APOL5: variants seen among roughly 807,000 people sequenced by gnomAD.
The protein encoded by APOL5 is apolipoprotein L5.
A neutral mutation model predicts 35.5 loss-of-function variants in APOL5; 29 were observed. The ratio of observed to expected loss-of-function variants is 0.82; its 90% CI spans 0.61 to 1.11. APOL5 has a LOEUF of 1.11. Among genes scored for constraint, APOL5 ranks in the 50% most tolerant of loss-of-function variants. The pLI, the probability that APOL5 is intolerant of heterozygous loss-of-function variation, is 0.00. For missense variants in APOL5, 514 were observed against 530.4 expected (o/e 0.97, Z 0.30); for synonymous variants, 188 against 200.2 (o/e 0.94, Z 0.51).
At chr22:35,717,403 T>A (rs4821437), upstream of APOL5, among the ~76,000 whole-genome samples, 100,850 of 140,832 alleles carry the variant, frequency 0.72, 36,519 homozygotes, top group African/African-American at 0.83. Flanking sequence ...CATCTCCAAA[T>A]GAAAGAAAAA....
chr22:35,720,326 T>C (rs1419386483), intron 1 of APOL5, among the ~76,000 whole-genome samples: 1 of 152,248 alleles, frequency 6.6e-6, no homozygotes, highest in African/African-American at 2.4e-5. Context: ...ACTAGAAGCC[T>C]AAGCGATTTC....
chr22:35,720,488 A>T (rs33921037), intron 1 of APOL5, 80 bp from the exon 2 acceptor site: 2 of 1,253,446 alleles, frequency 1.6e-6, no homozygotes, highest in South Asian at 1.2e-5. Flanking sequence ...TTAGACAGCC[A>T]ACTTTCCCGG....
chr22:35,711,874 C>T, the APOL5 span, among the ~76,000 whole-genome samples: 1 of 152,032 alleles, frequency 6.6e-6, no homozygotes, highest in Admixed American at 6.6e-5. Context: ...GGGGTTTCGC[C>T]ATGTTGGCCA....
intron 2 of APOL5, among the ~76,000 whole-genome samples, chr22:35,725,656 C>T (rs749779383): frequency 4.6e-5 from 7 of 151,942 alleles, no homozygotes; most frequent in Admixed American, 6.6e-5. Flanking sequence ...ATGTCGAAGT[C>T]GCCCTCTTGC....
At position 35,726,939 on chromosome 22, in the gene APOL5, G is replaced by T; in HGVS notation, c.871G>T (p.Ala291Ser). 1 of 1,614,220 alleles carries T rather than the reference G, an allele frequency of 6.2e-7. No individual in the cohort carries two copies. Among genetic ancestry groups the T allele is most frequent in the Non-Finnish European group, 8.5e-7 (1 of 1,180,044 alleles). Reference sequence around the variant, plus strand: ...CACAACTCTGGCCATGACCAATGGTGCCTGGGTGATGGGTGCTGCTGGGGC... The same window carrying T: ...CACAACTCTGGCCATGACCAATGGTTCCTGGGTGATGGGTGCTGCTGGGGC... ...EGTTLAMTNG[A>S]WVMGAAGAGF... Residue 291 changes from alanine (A) to serine (S), a missense_variant, in exon 3 of 5, where the codon GCC (alanine) becomes TCC (serine). Physicochemically the swap from Ala to Ser is moderately conservative, Grantham distance 99. This residue lies in a region of APOL5 where 238 missense variants were observed against 229.1 expected (regional missense o/e 1.04). Coordinates refer to ENST00000249044, the MANE Select transcript of APOL5 (RefSeq NM_030642.1).
chr22:35,714,356 C>G (rs1167200973), upstream of APOL5, among the ~76,000 whole-genome samples: 1 of 152,122 alleles, frequency 6.6e-6, no homozygotes, highest in Non-Finnish European at 1.5e-5. Flanking sequence ...CCTCTGGGCC[C>G]TGCAACTCTT....
At chr22:35,716,431 C>G (rs1046773434), upstream of APOL5, among the ~76,000 whole-genome samples, 35 of 152,128 alleles carry the variant, frequency 2.3e-4, 1 homozygote, top group African/African-American at 7.7e-4. Flanking sequence ...CACCACCACG[C>G]CTGGCTAATT....
chr22:35,709,269 A>AAGAT, the APOL5 span, among the ~76,000 whole-genome samples: 1 of 152,218 alleles, frequency 6.6e-6, no homozygotes, highest in African/African-American at 2.4e-5. Context: ...AAGCAAAGCT[A>AAGAT]AGATAGTATT....
In APOL5 at chr22:35,727,094, G is replaced by A. The variant is rs1327925913; in HGVS notation, c.1026G>A (p.Arg342=). ...AGAAGCTGGAGCAGGAGCTGGACCG[G>A]CTCACCCAGCACCACCGGCACCTGC... The part of the protein sequence containing the change: ...LAKKLEQELD[R]LTQHHRHLPQ... The change falls in exon 3 of 5, where the codon CGG becomes CGA. Residue 342 remains arginine, a synonymous_variant. Transcript: ENST00000249044. 2 of 1,611,476 alleles carry A rather than the reference G, an allele frequency of 1.2e-6. No individual in the cohort carries two copies. Among genetic ancestry groups the A allele is most frequent in the Non-Finnish European group, 1.7e-6 (2 of 1,179,998 alleles).
At chr22:35,725,242 C>T (rs545498956) in intron 2 of APOL5, among the ~76,000 whole-genome samples, 150 of 152,116 alleles carry the variant, frequency 9.9e-4, no homozygotes, top group African/African-American at 3.5e-3. Context: ...TCCAAAAATT[C>T]GAGGACTGGG....
At chr22:35,723,618 C>T (rs894197368) in intron 2 of APOL5, among the ~76,000 whole-genome samples, 4 of 152,278 alleles carry the variant, frequency 2.6e-5, no homozygotes, top group East Asian at 1.9e-4. Flanking sequence ...TGTTAACAAG[C>T]GGCCAGAGTA....
intron 3 of APOL5, among the ~76,000 whole-genome samples, chr22:35,727,549 A>T (rs556763962): frequency 3.3e-5 from 5 of 152,228 alleles, no homozygotes; most frequent in African/African-American, 1.2e-4. Flanking sequence ...GGTTGCTGGG[A>T]CTGGAGATGA....
At chr22:35,720,067 G>A (rs1012806472) in intron 1 of APOL5, among the ~76,000 whole-genome samples, 2 of 152,276 alleles carry the variant, frequency 1.3e-5, no homozygotes, top group Non-Finnish European at 1.5e-5. Flanking sequence ...TGTTCCTCTC[G>A]ATGTCCAGCT....
In APOL5 at chr22:35,728,710, T is replaced by A; in HGVS notation, c.1127-13T>A. The A allele has an allele frequency of 6.2e-7, 1 of 1,609,598 alleles. No homozygotes were observed. The highest frequency in any genetic ancestry group is 8.5e-7 in the Non-Finnish European group (1 of 1,178,290). ...CTTGGAAGTTGTAAGACACAGGGAC[T>A]CATGTTCCACAGGGTCTCGCTCACC... On this transcript the variant is annotated splice_polypyrimidine_tract_variant and intron_variant, in intron 3 of 4. Coordinates refer to ENST00000249044, the MANE Select transcript of APOL5 (RefSeq NM_030642.1).
upstream of APOL5, chr22:35,717,779 A>AG: frequency 1.6e-6 from 1 of 644,442 alleles, no homozygotes. Flanking sequence ...AAAAAAAAAT[A>AG]GGTGAGGACT....
upstream of APOL5, among the ~76,000 whole-genome samples, chr22:35,713,445 C>T (rs1379175220): frequency 6.6e-6 from 1 of 152,170 alleles, no homozygotes; most frequent in African/African-American, 2.4e-5. Context: ...TCAACCCCTC[C>T]ACCTACCATT....
intron 4 of APOL5, 79 bp downstream of exon 4, chr22:35,728,983 A>T: frequency 1.8e-5 from 24 of 1,349,102 alleles, no homozygotes; most frequent in Non-Finnish European, 2.3e-5. Context: ...GGTGGGCTTC[A>T]GGGAAAGAGA....
intron 1 of APOL5, 120 bp from the exon 2 acceptor site, chr22:35,720,447 CT>C (rs1555930798): frequency 1.1e-3 from 679 of 612,526 alleles, no homozygotes; most frequent in Admixed American, 1.4e-3. Flanking sequence ...TTGTTGTATT[CT>C]TTTTTTTTTC....
At chr22:35,708,604 C>T in the APOL5 span, among the ~76,000 whole-genome samples, 1 of 152,062 alleles carries the variant, frequency 6.6e-6, no homozygotes, top group African/African-American at 2.4e-5. Flanking sequence ...ACAAACATCG[C>T]TTGGATTAAA....
Sources: allele counts gnomAD v4.1 joint callset (sites outside exome capture counted in the v4.1 genomes callset), GRCh38; gene constraint gnomAD v4.1.1; regional missense constraint gnomAD v4.1.1; transcripts MANE v1.5; gene names NCBI Gene and HGNC (gene_info 2026-07-23, HGNC 2026-07-21).